OSBPL10: variants seen among roughly 807,000 people sequenced by gnomAD.
OSBPL10 encodes the protein oxysterol-binding protein-related protein 10.
A neutral mutation model predicts 81.7 loss-of-function variants in OSBPL10; 49 were observed. The observed-to-expected ratio is 0.60, with a 90% CI of 0.48 to 0.76. The LOEUF (loss-of-function observed/expected upper bound fraction) is 0.76, where lower values mean the gene tolerates loss of function less well. Ranked by LOEUF, OSBPL10 falls within the 30% of genes least tolerant of loss-of-function variation. OSBPL10 has a pLI of 0.00. For synonymous variants in OSBPL10, 419 were observed against 383.6 expected, an observed-to-expected ratio of 1.09 and a Z score of -1.08; for missense variants, 923 against 987.8, an observed-to-expected ratio of 0.93 and a Z score of 0.88.
intron 6 of OSBPL10, among the ~76,000 whole-genome samples, chr3:31,716,600 G>T (rs973482055): frequency 6.6e-6 from 1 of 152,192 alleles, no homozygotes; most frequent in Admixed American, 6.5e-5. Context: ...CACAGGTGGT[G>T]TGCTACCAGC....
In OSBPL10 at chr3:31,780,009, T is replaced by C. The variant is rs796104984; in HGVS notation, c.730-31889A>G. Among the ~76,000 whole-genome samples the C allele has an allele frequency of 8.5e-5, 13 of 152,242 alleles. 1 individual carries two copies. Among genetic ancestry groups the C allele is most frequent in the African/African-American group, 3.1e-4 (13 of 41,554 alleles). On this transcript the variant is annotated intron_variant, in intron 4 of 11. Coordinates refer to ENST00000396556, the MANE Select transcript of OSBPL10 (RefSeq NM_017784.5). Reference sequence around the variant, plus strand: ...AAAAATTCTTTGAACTGAACAATAATAGGCCAGGTGTGGTGGCTCACGCCT... The same window carrying C: ...AAAAATTCTTTGAACTGAACAATAACAGGCCAGGTGTGGTGGCTCACGCCT...
At chr3:32,034,679 A>G (rs532795711) in intron 2 of OSBPL10, among the ~76,000 whole-genome samples, 23 of 152,216 alleles carry the variant, frequency 1.5e-4, no homozygotes, top group East Asian at 3.9e-4. Flanking sequence ...TTTGTCTCCA[A>G]TTCATCACCT....
intron 4 of OSBPL10, among the ~76,000 whole-genome samples, chr3:31,784,520 A>G (rs994066144): frequency 5.9e-5 from 9 of 152,320 alleles, no homozygotes; most frequent in African/African-American, 2.2e-4. Context: ...TGCATGTACA[A>G]GTTATGACAC....
intron 3 of OSBPL10, among the ~76,000 whole-genome samples, chr3:31,865,837 T>C (rs1701165776): frequency 6.6e-6 from 1 of 152,208 alleles, no homozygotes; most frequent in Non-Finnish European, 1.5e-5. Flanking sequence ...TCTAAAAGAA[T>C]AAAATTGGGT....
intron 4 of OSBPL10, among the ~76,000 whole-genome samples, chr3:31,818,622 C>T (rs1169361214): frequency 6.6e-6 from 1 of 152,190 alleles, no homozygotes; most frequent in East Asian, 1.9e-4. Flanking sequence ...AACTTCTCCA[C>T]TAACCGCTTC....
At chr3:31,995,497 T>G (rs1304507192) in intron 2 of OSBPL10, among the ~76,000 whole-genome samples, 1 of 152,210 alleles carries the variant, frequency 6.6e-6, no homozygotes, top group Non-Finnish European at 1.5e-5. Flanking sequence ...CTTATGGTTG[T>G]CTTCCCTTGT....
chr3:31,965,855 TAATATATAATACATA>T, intron 1 of OSBPL10, among the ~76,000 whole-genome samples: 1 of 84,808 alleles, frequency 1.2e-5, no homozygotes, highest in East Asian at 4.4e-4. Flanking sequence ...TATAAAAAGA[TAATATATAATACATA>T]TTATATAAAA....
intron 4 of OSBPL10, among the ~76,000 whole-genome samples, chr3:31,780,985 C>G (rs1698681731): frequency 1.3e-5 from 2 of 152,236 alleles, no homozygotes; most frequent in South Asian, 4.1e-4. Flanking sequence ...CATCCTAATA[C>G]TAAAATCAGG....
chr3:31,946,228 C>G (rs1338380943), intron 1 of OSBPL10, among the ~76,000 whole-genome samples: 1 of 152,002 alleles, frequency 6.6e-6, no homozygotes, highest in Non-Finnish European at 1.5e-5. Flanking sequence ...GATCCACCCC[C>G]CTCAGCCTCC....
At chr3:31,884,425 T>A (rs1695675761) in intron 1 of OSBPL10, among the ~76,000 whole-genome samples, 1 of 152,204 alleles carries the variant, frequency 6.6e-6, no homozygotes, top group Non-Finnish European at 1.5e-5. Flanking sequence ...TCCAACAGAC[T>A]AGAAAAAAAT....
At chr3:31,693,619 GACAA>G (rs1445366173) in intron 7 of OSBPL10, among the ~76,000 whole-genome samples, 2 of 152,116 alleles carry the variant, frequency 1.3e-5, no homozygotes, top group Non-Finnish European at 2.9e-5. Flanking sequence ...CACTTGCTTT[GACAA>G]ACAGTTTTAT....
chr3:32,043,491 G>A (rs1260624200), intron 2 of OSBPL10, among the ~76,000 whole-genome samples: 1 of 152,168 alleles, frequency 6.6e-6, no homozygotes, highest in Non-Finnish European at 1.5e-5. Context: ...GAAGATAACA[G>A]GATTAAGAGA....
rs368961263 is a variant in OSBPL10, at chr3:32,057,774, AT to A, written n.186-11172del. ...AAGCCTAACCATATCACTACTCTGG[AT>A]TGTTTGCTGCCTCAGATTATCTAGA... On this transcript the variant is annotated intron_variant and non_coding_transcript_variant, in intron 1 of 3. Coordinates refer to the OSBPL10 transcript ENST00000479173. Among the ~76,000 whole-genome samples the A allele has an allele frequency of 2.6e-3, 399 of 152,304 alleles. 3 individuals are homozygous for A. Among genetic ancestry groups the A allele is most frequent in the African/African-American group, 9.2e-3 (381 of 41,558 alleles).
At chr3:31,713,745 C>T (rs9824711) in intron 6 of OSBPL10, 34,489 of 152,432 alleles carry the variant, frequency 0.23, 5,048 homozygotes, top group African/African-American at 0.42. Context: ...AACCTTTGAC[C>T]GTCTAGGCCA....
chr3:31,809,808 C>CA (rs199753792), intron 4 of OSBPL10, among the ~76,000 whole-genome samples: 2,402 of 147,846 alleles, frequency 0.016, 30 homozygotes, highest in Middle Eastern at 0.032. Context: ...ATGGACTATT[C>CA]AAAAAATGGG....
chr3:31,899,790 G>C (rs1038082527), intron 1 of OSBPL10, among the ~76,000 whole-genome samples: 1 of 152,228 alleles, frequency 6.6e-6, no homozygotes, highest in East Asian at 1.9e-4. Flanking sequence ...AGACCAGCTT[G>C]GGCAACAGAG....
chr3:31,902,126 G>A (rs952873234), intron 1 of OSBPL10, among the ~76,000 whole-genome samples: 3 of 152,224 alleles, frequency 2.0e-5, no homozygotes, highest in East Asian at 1.9e-4. Context: ...GCCTGTTTCC[G>A]GTCTGTAAAA....
intron 4 of OSBPL10, 40 bp downstream of exon 4, chr3:31,830,000 T>C: frequency 6.4e-7 from 1 of 1,553,538 alleles, no homozygotes; most frequent in Non-Finnish European, 8.7e-7. Context: ...AGCCCCCAAC[T>C]CCCCGGGGCT....
chr3:31,728,441 CACA>C (rs1421682631), intron 6 of OSBPL10, among the ~76,000 whole-genome samples: 2 of 152,260 alleles, frequency 1.3e-5, no homozygotes, highest in Admixed American at 1.3e-4. Flanking sequence ...AAATAATTAA[CACA>C]ACATTATTTT....
Sources: gnomAD v4.1 joint callset for allele counts (sites outside exome capture counted in the v4.1 genomes callset) on GRCh38, gnomAD v4.1.1 for gene constraint, MANE v1.5 for transcripts, NCBI Gene and HGNC (gene_info 2026-07-23, HGNC 2026-07-21) for gene names.